CSMD1: variants seen among roughly 807,000 people sequenced by gnomAD.
CSMD1 encodes CUB and sushi domain-containing protein 1.
CSMD1 carries 213 observed loss-of-function variants against 417.5 expected under a neutral mutation model. The observed-to-expected ratio is 0.51, with a 90% CI of 0.46 to 0.57. The LOEUF (loss-of-function observed/expected upper bound fraction) is 0.57. Ranked by LOEUF, CSMD1 falls within the 20% of genes least tolerant of loss-of-function variation. The probability of loss-of-function intolerance (pLI) is 0.00; values close to 1 mark genes in which losing one functional copy is unlikely to be tolerated. For synonymous variants in CSMD1, 2,862 were observed against 1,736.8 expected, an observed-to-expected ratio of 1.65 and a Z score of -16.11; for missense variants, 6,923 against 4,529.7, an observed-to-expected ratio of 1.53 and a Z score of -15.17.
At chr8:3,568,687 A>C (rs1027311208) in intron 10 of CSMD1, among the ~76,000 whole-genome samples, 1 of 152,062 alleles carries the variant, frequency 6.6e-6, no homozygotes, top group Non-Finnish European at 1.5e-5. Context: ...GATATACTGT[A>C]TATGTGTATA....
intron 1 of CSMD1, among the ~76,000 whole-genome samples, chr8:4,843,292 G>A (rs1800946016): frequency 6.6e-6 from 1 of 152,084 alleles, no homozygotes; most frequent in Non-Finnish European, 1.5e-5. Context: ...CCCAGTACTT[G>A]TACCAGTATT....
rs1802739028 is a variant in CSMD1, at chr8:3,729,955, AAAAAAACAAAAAC to A, written c.932-21477_932-21465del. Among the ~76,000 whole-genome samples, 5 of 12,298 alleles carry A rather than the reference AAAAAAACAAAAAC, an allele frequency of 4.1e-4. 2 individuals carry two copies. Among genetic ancestry groups the A allele is most frequent in the Admixed American group, 3.2e-3 (2 of 628 alleles). 8.1% of individuals were successfully genotyped at this position (12,298 alleles called of 152,430 possible). On this transcript the variant is annotated intron_variant, in intron 6 of 69. Coordinates refer to ENST00000635120, the MANE Select transcript of CSMD1 (RefSeq NM_033225.6). ...AAAAAAAAAAAAAAAAAAAAAAAAA[AAAAAAACAAAAAC>A]AGAAGAACGGATACATAATAATGTT...
In CSMD1 at chr8:3,223,837, G is replaced by C; in HGVS notation, c.4376C>G (p.Ala1459Gly). The C allele has an allele frequency of 1.2e-6, 2 of 1,613,808 alleles. No individual in the cohort carries two copies. The highest frequency in any genetic ancestry group is 1.7e-6 in the Non-Finnish European group (2 of 1,179,812). Residue 1459 changes from alanine to glycine, a missense_variant, in exon 28 of 70, where the codon GCA becomes GGA. By Grantham distance (60) the Ala-to-Gly change is moderately conservative. Coordinates refer to ENST00000635120, the MANE Select transcript of CSMD1 (RefSeq NM_033225.6). ...AACGGNLTGP[A>G]GVILSPNYPQ... Reference sequence around the variant, plus strand: ...GTAGTTGGGTGACAAAATAACACCTGCTGGGCCCGTCAGATTCCCTCCACA... The same window carrying C: ...GTAGTTGGGTGACAAAATAACACCTCCTGGGCCCGTCAGATTCCCTCCACA...
chr8:4,544,551 T>A (rs901055180), intron 2 of CSMD1, among the ~76,000 whole-genome samples: 6 of 152,146 alleles, frequency 3.9e-5, no homozygotes, highest in African/African-American at 1.4e-4. Flanking sequence ...TATAAGGCTT[T>A]AGAGGACACA....
At chr8:4,254,844 A>G (rs1308994354) in intron 3 of CSMD1, among the ~76,000 whole-genome samples, 1 of 152,144 alleles carries the variant, frequency 6.6e-6, no homozygotes, top group Non-Finnish European at 1.5e-5. Flanking sequence ...TGTACCATCT[A>G]GGTGGTCATA....
intron 26 of CSMD1, among the ~76,000 whole-genome samples, chr8:3,242,762 G>T (rs1274483539): frequency 6.6e-6 from 1 of 151,594 alleles, no homozygotes; most frequent in Non-Finnish European, 1.5e-5. Flanking sequence ...GAGGGAAGGG[G>T]TTCGGGGTTT....
At chr8:3,489,152 G>C (rs886503858) in intron 11 of CSMD1, among the ~76,000 whole-genome samples, 2 of 152,138 alleles carry the variant, frequency 1.3e-5, no homozygotes, top group African/African-American at 4.8e-5. Flanking sequence ...TTTGACTCAG[G>C]ATCAGCAGAA....
At chr8:3,398,680 C>G (rs1811848154) in intron 16 of CSMD1, among the ~76,000 whole-genome samples, 1 of 152,084 alleles carries the variant, frequency 6.6e-6, no homozygotes, top group African/African-American at 2.4e-5. Context: ...AACAAAGATG[C>G]CTCCCTAGCC....
chr8:3,404,947 G>C (rs1812258116), intron 15 of CSMD1, among the ~76,000 whole-genome samples: 2 of 151,802 alleles, frequency 1.3e-5, no homozygotes, highest in South Asian at 4.2e-4. Flanking sequence ...AAACATTCTT[G>C]AAAAAAACCT....
Position 4,744,906 on chromosome 8 carries a change from A to G in CSMD1, c.86-107348T>C, listed in dbSNP as rs79423187. On this transcript the variant is annotated intron_variant, in intron 1 of 69. Coordinates refer to ENST00000635120, the MANE Select transcript of CSMD1 (RefSeq NM_033225.6). The stretch of plus-strand genomic sequence containing the variant: ...TTTTTCACCATAATTCTAATGGCTC[A>G]GTATGTATAAAAATCCAAATCAACA... Among the ~76,000 whole-genome samples, 255 of 152,308 alleles carry G rather than the reference A, an allele frequency of 1.7e-3. 7 individuals carry two copies. The East Asian group carries it at 0.046, about 27-fold the overall frequency.
chr8:4,183,150 A>T (rs1798472515), intron 3 of CSMD1, among the ~76,000 whole-genome samples: 1 of 152,154 alleles, frequency 6.6e-6, no homozygotes, highest in South Asian at 2.1e-4. Flanking sequence ...TTTAAAAGTT[A>T]ATTAATGCGT....
At chr8:3,827,125 A>G (rs1307038093) in intron 5 of CSMD1, among the ~76,000 whole-genome samples, 1 of 152,176 alleles carries the variant, frequency 6.6e-6, no homozygotes, top group Admixed American at 6.6e-5. Context: ...ACCGTAAAAG[A>G]AAAACCCTAC....
At chr8:3,678,221 A>G (rs1413389896) in intron 7 of CSMD1, among the ~76,000 whole-genome samples, 2 of 152,186 alleles carry the variant, frequency 1.3e-5, no homozygotes, top group African/African-American at 4.8e-5. Flanking sequence ...AGAAGGTTTC[A>G]GATGATCAAA....
At chr8:4,545,211 T>A (rs1797577000) in intron 2 of CSMD1, among the ~76,000 whole-genome samples, 3 of 152,228 alleles carry the variant, frequency 2.0e-5, no homozygotes, top group Non-Finnish European at 4.4e-5. Flanking sequence ...GGAATTTGCA[T>A]TTTCTTAGTC....
At chr8:3,305,639 C>T (rs1390851686) in intron 25 of CSMD1, among the ~76,000 whole-genome samples, 1 of 152,068 alleles carries the variant, frequency 6.6e-6, no homozygotes, top group East Asian at 1.9e-4. Context: ...ACTTCCCATC[C>T]TCCAGAACTG....
intron 37 of CSMD1, among the ~76,000 whole-genome samples, chr8:3,179,140 T>G (rs970305611): frequency 5.3e-5 from 8 of 150,902 alleles, no homozygotes; most frequent in Non-Finnish European, 8.8e-5. Flanking sequence ...AGATACGGGG[T>G]TTCAACGTGT....
chr8:4,700,643 A>G (rs528911878), intron 1 of CSMD1, among the ~76,000 whole-genome samples: 1 of 152,348 alleles, frequency 6.6e-6, no homozygotes, highest in Admixed American at 6.5e-5. Context: ...ATCACAAAAA[A>G]TGAAAGTAAC....
At chr8:4,363,474 C>A (rs1801893541) in intron 3 of CSMD1, among the ~76,000 whole-genome samples, 1 of 152,118 alleles carries the variant, frequency 6.6e-6, no homozygotes, top group Non-Finnish European at 1.5e-5. Context: ...TCCCCACCAC[C>A]CCCTCTCTGG....
intron 23 of CSMD1, among the ~76,000 whole-genome samples, chr8:3,322,362 G>C (rs1379664183): frequency 2.6e-5 from 4 of 152,074 alleles, no homozygotes; most frequent in Non-Finnish European, 5.9e-5. Flanking sequence ...AAATTAATAA[G>C]AACATATATA....
Sources: allele counts gnomAD v4.1 joint callset (sites outside exome capture counted in the v4.1 genomes callset), GRCh38; gene constraint gnomAD v4.1.1; transcripts MANE v1.5; gene names NCBI Gene and HGNC (gene_info 2026-07-23, HGNC 2026-07-21).